DOC2B: variants seen among roughly 807,000 people sequenced by gnomAD.
DOC2B encodes the protein double C2-like domain-containing protein beta.
DOC2B carries 21 observed loss-of-function variants against 28.9 expected under a neutral mutation model. That is an observed-to-expected ratio of 0.73 (90% CI 0.52 to 1.05). The LOEUF (loss-of-function observed/expected upper bound fraction) is 1.05, where lower values mean the gene tolerates loss of function less well. DOC2B is among the 50% of genes least tolerant of loss of function. The pLI, the probability that DOC2B is intolerant of heterozygous loss-of-function variation, is 0.00. For missense variants in DOC2B, 384 were observed against 421.1 expected (o/e 0.91, Z 0.77); for synonymous variants, 194 against 178.1 (o/e 1.09, Z -0.71).
Position 143,974 on chromosome 17 carries a change from C to G in DOC2B, c.*3467G>C, listed in dbSNP as rs2151454909. ...GCATGCACGGCCCGGGCTCGGCGGGCGGACGGGCCGGGGCGCAGTTCCCCG... is the reference window on the plus strand; with the variant it reads ...GCATGCACGGCCCGGGCTCGGCGGGGGGACGGGCCGGGGCGCAGTTCCCCG... On this transcript the variant is annotated 3_prime_UTR_variant, in exon 9 of 9. Transcript: ENST00000613549. 6.6e-6 allele frequency: 1 copy of G among 151,636 alleles called. No individual in the cohort carries two copies. Among genetic ancestry groups the G allele is most frequent in the East Asian group, 2.0e-4 (1 of 5,106 alleles). The allele number at this position is 151,636 out of a possible 1,614,324, so 9.4% of individuals were successfully genotyped here.
At position 181,141 on chromosome 17, in the gene DOC2B, C is replaced by G. The variant is rs886129621; in HGVS notation, c.339G>C (p.Glu113Asp). 19 of 1,253,936 alleles carry G rather than the reference C, an allele frequency of 1.5e-5. No individual in the cohort carries two copies. In the African/African-American group the frequency reaches 2.8e-4, roughly 19 times the overall value. 77.7% of individuals were successfully genotyped at this position (1,253,936 alleles called of 1,614,324 possible). The part of the protein sequence containing the change: ...ARPPAKPPED[E>D]PDADGYESDD... ...CCGACTCGTAGCCGTCGGCGTCCGG[C>G]TCGTCCTCCGGCGGCTTGGCTGGCG... The change falls in exon 1 of 9, where the codon GAG (glutamate) becomes GAC (aspartate). Residue 113 changes from glutamate (E) to aspartate (D), a missense_variant. Coordinates refer to ENST00000613549, the MANE Select transcript of DOC2B (RefSeq NM_003585.5). The surrounding 1 kb of genome is among the most constrained non-coding windows in gnomAD (Gnocchi z 7.0).
intron 3 of DOC2B, 105 bp downstream of exon 3, chr17:164,025 G>C (rs2040233512): frequency 1.1e-6 from 1 of 878,564 alleles, no homozygotes; most frequent in African/African-American, 1.7e-5. Context: ...GGCCTCCCTG[G>C]GTGCCCGCAG....
At position 162,062 on chromosome 17, in the gene DOC2B, G is replaced by A. The variant is rs934088789; in HGVS notation, c.638+19C>T. The A allele has an allele frequency of 1.1e-5, 16 of 1,519,422 alleles. No individual in the cohort carries two copies. Among genetic ancestry groups the A allele is most frequent in the Non-Finnish European group, 1.4e-5 (16 of 1,117,732 alleles). The allele number at this position is 1,519,422 out of a possible 1,614,324, so 94.1% of individuals were successfully genotyped here. A position where few individuals can be genotyped will look rare whatever the true frequency, so the allele number is the denominator to read the frequency against. On this transcript the variant is annotated intron_variant, in intron 4 of 8. Coordinates refer to ENST00000613549, the MANE Select transcript of DOC2B (RefSeq NM_003585.5). ...GTAGGGGTTGGGGAGGGAGCAGGCGGCCTGGGACCCTCACCCACCGCAGGG... is the reference window on the plus strand; with the variant it reads ...GTAGGGGTTGGGGAGGGAGCAGGCGACCTGGGACCCTCACCCACCGCAGGG...
At chr17:165,542 G>A (rs1322700722) in intron 2 of DOC2B, among the ~76,000 whole-genome samples, 1 of 151,988 alleles carries the variant, frequency 6.6e-6, no homozygotes, top group Non-Finnish European at 1.5e-5. Flanking sequence ...TCCTAGGGCT[G>A]GAGTGAGAGG....
intron 1 of DOC2B, among the ~76,000 whole-genome samples, chr17:178,310 G>T (rs1229382420): frequency 1.3e-5 from 2 of 152,272 alleles, no homozygotes; most frequent in Admixed American, 6.5e-5. Flanking sequence ...CAACAGTGCT[G>T]AGGGGCTGCT....
At chr17:179,068 G>A (rs185874044) in intron 1 of DOC2B, among the ~76,000 whole-genome samples, 2 of 152,346 alleles carry the variant, frequency 1.3e-5, no homozygotes, top group Admixed American at 1.3e-4. Context: ...CGAAGGGGGC[G>A]ACAGGGGCCC....
chr17:153,865 G>A (rs753204324), intron 6 of DOC2B, among the ~76,000 whole-genome samples: 18 of 151,986 alleles, frequency 1.2e-4, no homozygotes, highest in African/African-American at 1.5e-4. Context: ...ACAGCTGTCC[G>A]TGTTATAATA....
chr17:157,789 G>A (rs1284715791), intron 5 of DOC2B, among the ~76,000 whole-genome samples: 1 of 152,220 alleles, frequency 6.6e-6, no homozygotes, highest in Non-Finnish European at 1.5e-5. Flanking sequence ...CAAGGCCCTG[G>A]CACTAAGGGC....
intron 1 of DOC2B, 27 bp from the exon 2 acceptor site, chr17:172,643 C>T: frequency 6.5e-7 from 1 of 1,534,116 alleles, no homozygotes; most frequent in Non-Finnish European, 8.8e-7. Flanking sequence ...GCACAGGTCC[C>T]ACCCTGGCCG....
At chr17:156,444 C>A in intron 5 of DOC2B, 67 bp from the exon 6 acceptor site, 1 of 1,517,898 alleles carries the variant, frequency 6.6e-7, no homozygotes. Context: ...CCTTGGCCTC[C>A]TCTTCCTGAG....
At position 156,271 on chromosome 17, in the gene DOC2B, G is replaced by A; in HGVS notation, c.872C>T (p.Ala291Val). 7.7e-6 allele frequency: 12 copies of A among 1,551,756 alleles called. No homozygotes were observed. Among genetic ancestry groups the A allele is most frequent in the Non-Finnish European group, 9.6e-6 (11 of 1,147,118 alleles). The change falls in exon 6 of 9, where the codon GCC (alanine) becomes GTC (valine). Residue 291 changes from alanine (A) to valine (V), a missense_variant. Transcript: ENST00000613549. Reference sequence around the variant, plus strand: ...GTTGGCGTCCATGGCGGCCAGGTGGGCGCACCGCACGATGCCTACCAGCAG... The same window carrying A: ...GTTGGCGTCCATGGCGGCCAGGTGGACGCACCGCACGATGCCTACCAGCAG... Reference protein sequence around the residue: ...QGLLVGIVRCAHLAAMDANGY... With the variant: ...QGLLVGIVRCVHLAAMDANGY...
intron 5 of DOC2B, among the ~76,000 whole-genome samples, chr17:158,480 T>G (rs751183049): frequency 6.6e-6 from 1 of 152,116 alleles, no homozygotes; most frequent in African/African-American, 2.4e-5. Flanking sequence ...TGAGCAGGGA[T>G]GTTGAGCAGG....
At chr17:165,401 G>A (rs570567443) in intron 2 of DOC2B, among the ~76,000 whole-genome samples, 1 of 150,220 alleles carries the variant, frequency 6.7e-6, no homozygotes, top group Non-Finnish European at 1.5e-5. Flanking sequence ...AGGATCGCTT[G>A]AACCTGGGAC....
rs1463902245 is a variant in DOC2B at position 144,630 on chromosome 17, A to G, written c.*2811T>C. On this transcript the variant is annotated 3_prime_UTR_variant, in exon 9 of 9. Transcript: ENST00000613549. ...GAGATCCTAGGGAAGGAAGGATCCA[A>G]ACTTCCTGGGGAGTTCCTGCCCGAG... is the stretch of plus-strand genomic sequence containing the variant. 1.3e-5 allele frequency: 2 copies of G among 152,202 alleles called. No individual in the cohort carries two copies. The highest frequency in any genetic ancestry group is 2.9e-5 in the Non-Finnish European group (2 of 68,054). The allele number at this position is 152,202 out of a possible 1,614,324, so 9.4% of individuals were successfully genotyped here.
chr17:170,782 G>GGA (rs1352115213), intron 2 of DOC2B, among the ~76,000 whole-genome samples: 4 of 150,940 alleles, frequency 2.7e-5, no homozygotes, highest in South Asian at 2.1e-4. Context: ...GCTGCAGAGG[G>GGA]GAGCACCAGG....
rs1555522494 is a variant in DOC2B, at chr17:156,293, G to A, written c.850C>T (p.Leu284=). ...TGGGCGCACCGCACGATGCCTACCA[G>A]CAGGCCTTGCTTCTGTGAGCTGTAC... ...LKYSSQKQGL[L]VGIVRCAHLA... is the part of the protein sequence containing the mutation. Residue 284 remains leucine, a synonymous_variant, in exon 6 of 9, where the codon CTG becomes TTG. Coordinates refer to ENST00000613549, the MANE Select transcript of DOC2B (RefSeq NM_003585.5). The A allele has an allele frequency of 7.1e-6, 11 of 1,551,668 alleles. No individual in the cohort carries two copies. Among genetic ancestry groups the A allele is most frequent in the Non-Finnish European group, 9.6e-6 (11 of 1,147,006 alleles).
chr17:160,071 G>A (rs1409275024), intron 5 of DOC2B, among the ~76,000 whole-genome samples: 3 of 146,820 alleles, frequency 2.0e-5, no homozygotes, highest in Admixed American at 6.9e-5. Context: ...TGCAACCTCC[G>A]CCTCTCAGGT....
chr17:170,525 C>T (rs112103784), intron 2 of DOC2B, among the ~76,000 whole-genome samples: 2 of 152,154 alleles, frequency 1.3e-5, no homozygotes, highest in African/African-American at 4.8e-5. Flanking sequence ...CTGGGTGGGG[C>T]CTGGGCCCAG....
chr17:150,398 T>C (rs1166205609), intron 6 of DOC2B, among the ~76,000 whole-genome samples: 1 of 151,806 alleles, frequency 6.6e-6, no homozygotes, highest in Non-Finnish European at 1.5e-5. Flanking sequence ...GACACGCCCA[T>C]GTCCAGCTTA....
Sources: gnomAD v4.1 joint callset for allele counts (sites outside exome capture counted in the v4.1 genomes callset) on GRCh38, gnomAD v4.1.1 for gene constraint, Gnocchi (gnomAD v3.1) non-coding constraint, MANE v1.5 for transcripts, NCBI Gene and HGNC (gene_info 2026-07-23, HGNC 2026-07-21) for gene names.